The following CASP5 variants were observed in gnomAD, a reference collection of about 807,000 sequenced individuals.
The protein encoded by CASP5 is caspase 5.
Under a neutral mutation model 45.2 loss-of-function variants are expected in CASP5, and 42 were observed. The ratio of observed to expected loss-of-function variants is 0.93; its 90% CI spans 0.73 to 1.20. The LOEUF is 1.20. Ranked by LOEUF, CASP5 falls within the 50% of genes most tolerant of loss-of-function variation. The pLI is 0.00. For synonymous variants in CASP5, 209 were observed against 186.2 expected, an observed-to-expected ratio of 1.12 and a Z score of -1.00; for missense variants, 512 against 532.2, an observed-to-expected ratio of 0.96 and a Z score of 0.37.
At chr11:105,016,536 A>G (rs1051098645) in intron 1 of CASP5, among the ~76,000 whole-genome samples, 1 of 152,170 alleles carries the variant, frequency 6.6e-6, no homozygotes, top group Admixed American at 6.5e-5. Flanking sequence ...CTAGTCAAAG[A>G]AAGGGGTGAC....
At chr11:104,996,119 A>T (rs1344061698) in intron 8 of CASP5, among the ~76,000 whole-genome samples, 4 of 152,194 alleles carry the variant, frequency 2.6e-5, no homozygotes, top group Non-Finnish European at 2.9e-5. Flanking sequence ...CGGATGTGGA[A>T]ATCAATTAAA....
chr11:105,003,186 C>A (rs1861827885), intron 4 of CASP5, 88 bp downstream of exon 4: 9 of 857,150 alleles, frequency 1.0e-5, no homozygotes, highest in Admixed American at 1.8e-5. Context: ...GGCAACAGAG[C>A]AAGACCCCAT....
At chr11:105,021,846 A>G (rs1862979399) in intron 1 of CASP5, among the ~76,000 whole-genome samples, 3 of 150,512 alleles carry the variant, frequency 2.0e-5, no homozygotes, top group Admixed American at 6.7e-5. Context: ...TGCTGCTATA[A>G]AGACACATGC....
intron 6 of CASP5, 138 bp downstream of exon 6, chr11:105,000,123 G>A (rs1377646391): frequency 1.3e-5 from 11 of 867,326 alleles, no homozygotes; most frequent in African/African-American, 3.4e-5. Flanking sequence ...CAGCCCCTTA[G>A]GTAGAGTTTC....
At chr11:105,011,498 A>T (rs1348389439) in intron 1 of CASP5, among the ~76,000 whole-genome samples, 1 of 151,782 alleles carries the variant, frequency 6.6e-6, no homozygotes, top group Non-Finnish European at 1.5e-5. Flanking sequence ...GGAGAGGAAG[A>T]AGTTAATGTG....
chr11:105,019,228 A>G (rs1262209903), intron 1 of CASP5, among the ~76,000 whole-genome samples: 1 of 151,188 alleles, frequency 6.6e-6, no homozygotes, highest in African/African-American at 2.4e-5. Flanking sequence ...TGACACCCTA[A>G]CATCACAATT....
At position 105,000,510 on chromosome 11, in the gene CASP5, T is replaced by C. The variant is rs1254270285; in HGVS notation, c.718-15A>G. Reference sequence around the variant, plus strand: ...GACTCCATATCCTATAAAAGAGCAATGTCTAACTTCAGTCAGAGAAGCATC... The same window carrying C: ...GACTCCATATCCTATAAAAGAGCAACGTCTAACTTCAGTCAGAGAAGCATC... On this transcript the variant is annotated splice_polypyrimidine_tract_variant and intron_variant, in intron 5 of 9. Transcript: ENST00000260315. 6.2e-7 allele frequency: 1 copy of C among 1,609,092 alleles called. No individual in the cohort carries two copies. Among genetic ancestry groups the C allele is most frequent in the Non-Finnish European group, 8.5e-7 (1 of 1,175,658 alleles).
chr11:104,998,574 A>T (rs930134355), intron 7 of CASP5, among the ~76,000 whole-genome samples: 2 of 152,214 alleles, frequency 1.3e-5, no homozygotes, highest in Admixed American at 1.3e-4. Context: ...TTATTAAAAA[A>T]ACAGCATCCA....
chr11:105,007,156 T>A lies in CASP5; in HGVS notation c.360A>T (p.Arg120=), dbSNP rs756727894. ...ACATTTGATGAGCCACGCGATTCTT[T>A]CGCAAAGAGTCTACCAAGATCAGGG... The part of the protein sequence containing the change: ...DKALILVDSL[R]KNRVAHQMFT... The change falls in exon 3 of 10, where the codon CGA becomes CGT. Residue 120 remains arginine, a synonymous_variant. Coordinates refer to ENST00000260315, the MANE Select transcript of CASP5 (RefSeq NM_004347.5). 6.2e-7 allele frequency: 1 copy of A among 1,613,866 alleles called. No homozygotes were observed. Among genetic ancestry groups the A allele is most frequent in the Non-Finnish European group, 8.5e-7 (1 of 1,179,770 alleles).
chr11:105,018,390 G>A (rs1170795989), intron 1 of CASP5, among the ~76,000 whole-genome samples: 1 of 152,152 alleles, frequency 6.6e-6, no homozygotes, highest in East Asian at 1.9e-4. Context: ...ACCCACCAGT[G>A]TGCTGTATTC....
At position 105,009,720 on chromosome 11, in the gene CASP5, CATATATAT is replaced by C. The variant is rs199695891; in HGVS notation, c.8-748_8-741del. Among the ~76,000 whole-genome samples the C allele has an allele frequency of 3.3e-3, 213 of 64,070 alleles. 1 individual carries two copies. The highest frequency in any genetic ancestry group is 5.3e-3 in the South Asian group (10 of 1,894). 42.0% of individuals were successfully genotyped at this position (64,070 alleles called of 152,430 possible). A position where few individuals can be genotyped will look rare whatever the true frequency, so the allele number is the denominator to read the frequency against. On this transcript the variant is annotated intron_variant, in intron 1 of 9. Transcript: ENST00000260315. Reference sequence around the variant, plus strand: ...TTACCAGGAGATATATATATACACACATATATATATATATATATATATATATATATATA... The same window carrying C: ...TTACCAGGAGATATATATATACACACATATATATATATATATATATATATA...
chr11:105,000,293 G>A lies in CASP5; in HGVS notation c.920C>T (p.Pro307Leu). ...GCAGGCCTGGACAATGATGACCTTGGGTTTGTCCTTTAGACTGAGGCAGTT... is the reference window on the plus strand; with the variant it reads ...GCAGGCCTGGACAATGATGACCTTGAGTTTGTCCTTTAGACTGAGGCAGTT... ...NRNCLSLKDK[P>L]KVIIVQACRG... The change falls in exon 6 of 10, where the codon CCC (proline) becomes CTC (leucine). Residue 307 changes from proline to leucine, a missense_variant. By Grantham distance (98) the Pro-to-Leu change is moderately conservative (BLOSUM62 -3). Transcript: ENST00000260315. 6.2e-7 allele frequency: 1 copy of A among 1,614,174 alleles called. No individual in the cohort carries two copies. Among genetic ancestry groups the A allele is most frequent in the South Asian group, 1.1e-5 (1 of 91,088 alleles).
At chr11:105,011,730 G>A (rs1862358764) in intron 1 of CASP5, among the ~76,000 whole-genome samples, 1 of 151,644 alleles carries the variant, frequency 6.6e-6, no homozygotes, top group Non-Finnish European at 1.5e-5. Flanking sequence ...AGGAATAAAT[G>A]TAACCAAAAA....
intron 5 of CASP5, among the ~76,000 whole-genome samples, chr11:105,001,287 G>T (rs1861711446): frequency 6.6e-6 from 1 of 152,154 alleles, no homozygotes; most frequent in Non-Finnish European, 1.5e-5. Context: ...CTTGCAATTT[G>T]AAACTTCTGG....
chr11:105,014,496 T>C (rs535001535), intron 1 of CASP5, among the ~76,000 whole-genome samples: 3 of 152,324 alleles, frequency 2.0e-5, no homozygotes, highest in Admixed American at 6.5e-5. Context: ...GCACTACTTC[T>C]GGCACTCAAG....
At chr11:104,996,919 T>C (rs1861494154) in intron 8 of CASP5, among the ~76,000 whole-genome samples, 1 of 152,100 alleles carries the variant, frequency 6.6e-6, no homozygotes, top group Non-Finnish European at 1.5e-5. Context: ...CATGCCTTTA[T>C]GAATTCTACC....
At chr11:105,015,255 C>G (rs1862531404) in intron 1 of CASP5, among the ~76,000 whole-genome samples, 1 of 152,182 alleles carries the variant, frequency 6.6e-6, no homozygotes, top group Non-Finnish European at 1.5e-5. Flanking sequence ...CCTTCCTCAA[C>G]TATAAAATGG....
At chr11:105,017,251 TCTC>T (rs1862669612) in intron 1 of CASP5, among the ~76,000 whole-genome samples, 1 of 152,100 alleles carries the variant, frequency 6.6e-6, no homozygotes, top group African/African-American at 2.4e-5. Context: ...GCAGAGCGAC[TCTC>T]CTCCTCCAAA....
At chr11:105,010,772 G>GA (rs1862312715) in intron 1 of CASP5, among the ~76,000 whole-genome samples, 1 of 151,548 alleles carries the variant, frequency 6.6e-6, no homozygotes, top group Admixed American at 6.6e-5. Context: ...ACCCCCATGA[G>GA]GTCAAGTGCT....
Sources: gnomAD v4.1 joint callset for allele counts (sites outside exome capture counted in the v4.1 genomes callset) on GRCh38, gnomAD v4.1.1 for gene constraint, MANE v1.5 for transcripts, NCBI Gene and HGNC (gene_info 2026-07-23, HGNC 2026-07-21) for gene names.